Variants in RBMS1 observed in about 807,000 individuals in gnomAD.
RBMS1 encodes RNA binding motif single stranded interacting protein 1.
RBMS1 carries 17 observed loss-of-function variants against 62.3 expected under a neutral mutation model. That is an observed-to-expected ratio of 0.27 (90% CI 0.19 to 0.41). The LOEUF is 0.41. Ranked by LOEUF, RBMS1 falls within the 10% of genes least tolerant of loss-of-function variation. The pLI, the probability that RBMS1 is intolerant of heterozygous loss-of-function variation, is 1.00. For missense variants in RBMS1, 334 were observed against 504.5 expected (o/e 0.66, Z 3.24); for synonymous variants, 172 against 170.0 (o/e 1.01, Z -0.09).
At chr2:160,303,678 C>A (rs1027943262) in intron 4 of RBMS1, among the ~76,000 whole-genome samples, 191 bp from the exon 5 acceptor site, 1 of 152,164 alleles carries the variant, frequency 6.6e-6, no homozygotes, top group Non-Finnish European at 1.5e-5. Flanking sequence ...AGGCCAGACA[C>A]GATCCCACCA....
chr2:160,351,181 T>A (rs1017112811), intron 2 of RBMS1, among the ~76,000 whole-genome samples: 4 of 84,322 alleles, frequency 4.7e-5, no homozygotes, highest in South Asian at 4.2e-4. Flanking sequence ...TGTCGTGGGG[T>A]AGGGGGAGGG....
intron 1 of RBMS1, among the ~76,000 whole-genome samples, chr2:160,464,214 C>A (rs1684587847): frequency 6.6e-6 from 1 of 152,138 alleles, no homozygotes; most frequent in Non-Finnish European, 1.5e-5. Flanking sequence ...GGCACCATGA[C>A]ATATCTGTAA....
At chr2:160,305,508 G>A (rs565292776) in intron 4 of RBMS1, among the ~76,000 whole-genome samples, 3 of 152,290 alleles carry the variant, frequency 2.0e-5, no homozygotes, top group South Asian at 4.1e-4. Flanking sequence ...TACACCATCT[G>A]GGTTTGTGTA....
chr2:160,358,473 A>C (rs1464584392), intron 2 of RBMS1, among the ~76,000 whole-genome samples: 27 of 152,310 alleles, frequency 1.8e-4, no homozygotes. Flanking sequence ...GCAATAACAG[A>C]AGCAAGCCAA....
chr2:160,388,514 C>T (rs1694697952), intron 1 of RBMS1, among the ~76,000 whole-genome samples: 1 of 152,192 alleles, frequency 6.6e-6, no homozygotes, highest in Non-Finnish European at 1.5e-5. Flanking sequence ...GATTCCACAG[C>T]TAATCGGAAT....
Position 160,467,658 on chromosome 2 carries a change from T to C in RBMS1, c.75+25631A>G, listed in dbSNP as rs888727503. 7.2e-5 allele frequency among the ~76,000 whole-genome samples: 11 copies of C among 152,160 alleles called. 1 individual carries two copies. In the South Asian group the frequency reaches 1.0e-3, roughly 14 times the overall value. ...TGGATCAGCTGGATATATAGCAACATAAACAAGTTTTCATCAGGTCTAAAA... is the reference window on the plus strand; with the variant it reads ...TGGATCAGCTGGATATATAGCAACACAAACAAGTTTTCATCAGGTCTAAAA... On this transcript the variant is annotated intron_variant, in intron 1 of 13. Coordinates refer to ENST00000348849, the MANE Select transcript of RBMS1 (RefSeq NM_016836.4).
In RBMS1 at chr2:160,427,301, T is replaced by C. The variant is rs150362240; in HGVS notation, c.76-59910A>G. ...TAAGAGATATTTTTTAAATCCATCA[T>C]AGCTAAAACTGTACCTCCCATATAT... On this transcript the variant is annotated intron_variant, in intron 1 of 13. Coordinates refer to ENST00000348849, the MANE Select transcript of RBMS1 (RefSeq NM_016836.4). Among the ~76,000 whole-genome samples the C allele has an allele frequency of 9.9e-4, 151 of 152,308 alleles. 1 individual carries two copies. Among genetic ancestry groups the C allele is most frequent in the Admixed American group, 8.3e-3 (127 of 15,300 alleles).
At chr2:160,411,989 T>C (rs1343971507) in intron 1 of RBMS1, among the ~76,000 whole-genome samples, 1 of 152,240 alleles carries the variant, frequency 6.6e-6, no homozygotes, top group African/African-American at 2.4e-5. Context: ...TTCAAGAGCC[T>C]AGGTGCACTG....
At chr2:160,449,291 G>GC (rs1683852674) in intron 1 of RBMS1, among the ~76,000 whole-genome samples, 1 of 152,216 alleles carries the variant, frequency 6.6e-6, no homozygotes, top group South Asian at 2.1e-4. Context: ...GAAGTGAGGA[G>GC]CCCCTCTGCC....
At chr2:160,283,373 G>A (rs1340250940) in intron 9 of RBMS1, 1 of 152,130 alleles carries the variant, frequency 6.6e-6, no homozygotes, top group East Asian at 1.9e-4. Flanking sequence ...TCAAAGAAAG[G>A]ATAGGAATCC....
At position 160,286,001 on chromosome 2, in the gene RBMS1, C is replaced by CT. The variant is rs747870330; in HGVS notation, c.757-958dup. 8.6e-5 allele frequency among the ~76,000 whole-genome samples: 13 copies of CT among 151,972 alleles called. No individual in the cohort carries two copies. The East Asian group carries it at 1.6e-3, about 18-fold the overall frequency. On this transcript the variant is annotated intron_variant, in intron 7 of 13. Transcript: ENST00000348849. ...TGGTGGGTGCCTGTAGTCCCAGCTA[C>CT]TTGGGAGGCTGAGGCAGGAGAATGG...
At chr2:160,350,786 C>T (rs1045235589) in intron 2 of RBMS1, among the ~76,000 whole-genome samples, 2 of 152,250 alleles carry the variant, frequency 1.3e-5, no homozygotes, top group South Asian at 4.1e-4. Flanking sequence ...CAAGTCTTTG[C>T]TATTGTGAAT....
intron 2 of RBMS1, among the ~76,000 whole-genome samples, chr2:160,354,467 AT>A (rs1692686855): frequency 1.3e-5 from 2 of 152,096 alleles, no homozygotes; most frequent in Admixed American, 1.3e-4. Context: ...CAATTCCACA[AT>A]TTATGGCCTG....
chr2:160,420,398 G>A (rs1169230232), intron 1 of RBMS1, among the ~76,000 whole-genome samples: 2 of 152,086 alleles, frequency 1.3e-5, no homozygotes, highest in African/African-American at 4.8e-5. Context: ...TACCCACTCT[G>A]AGTTTTTCCT....
rs1553518102 is a variant in RBMS1 at position 160,383,453 on chromosome 2, T to TTGAG, written c.76-16063_76-16062insCTCA. On this transcript the variant is annotated intron_variant, in intron 1 of 13. Transcript: ENST00000348849. ...TCTGGGGTTCTGGTTAGACATGAAT[T>TTGAG]GGGGGGGGGGGAACTGACCCACTAC... Among the ~76,000 whole-genome samples the TTGAG allele has an allele frequency of 1.9e-3, 143 of 75,048 alleles. 1 individual carries two copies. In the East Asian group the frequency reaches 0.034, roughly 18 times the overall value. The allele number at this position is 75,048 out of a possible 152,430, so 49.2% of individuals were successfully genotyped here. A position where few individuals can be genotyped will look rare whatever the true frequency, so the allele number is the denominator to read the frequency against.
chr2:160,463,831 T>G (rs909344565), intron 1 of RBMS1, among the ~76,000 whole-genome samples: 3 of 152,204 alleles, frequency 2.0e-5, no homozygotes, highest in Non-Finnish European at 4.4e-5. Flanking sequence ...AAAGGCAATT[T>G]AACTTTATGT....
chr2:160,360,161 G>A (rs372438505), intron 2 of RBMS1, among the ~76,000 whole-genome samples: 2 of 152,122 alleles, frequency 1.3e-5, no homozygotes, highest in African/African-American at 4.8e-5. Flanking sequence ...GGCCCTATTT[G>A]TAGATAACAA....
intron 1 of RBMS1, among the ~76,000 whole-genome samples, chr2:160,375,265 C>A (rs60466881): frequency 6.6e-6 from 1 of 152,158 alleles, no homozygotes; most frequent in East Asian, 1.9e-4. Flanking sequence ...TCTGTGACAT[C>A]GTGCAACTTA....
chr2:160,284,156 G>A (rs1688244382), intron 9 of RBMS1: 2 of 154,084 alleles, frequency 1.3e-5, no homozygotes, highest in Admixed American at 1.3e-4. Flanking sequence ...TGGCGGACAG[G>A]AGCTACCTTT....
Sources: allele counts gnomAD v4.1 joint callset (sites outside exome capture counted in the v4.1 genomes callset), GRCh38; gene constraint gnomAD v4.1.1; transcripts MANE v1.5; gene names NCBI Gene and HGNC (gene_info 2026-07-23, HGNC 2026-07-21).